Variants in DNAJC12 observed in about 807,000 individuals in gnomAD.
DNAJC12 encodes the protein DnaJ heat shock protein family (Hsp40) member C12.
Under a neutral mutation model 28.5 loss-of-function variants are expected in DNAJC12, and 25 were observed. The observed-to-expected ratio is 0.88, with a 90% CI of 0.64 to 1.22. DNAJC12 has a LOEUF of 1.22. Ranked by LOEUF, DNAJC12 falls within the 50% of genes most tolerant of loss-of-function variation. The pLI is 0.00. For missense variants in DNAJC12, 222 were observed against 231.7 expected, an observed-to-expected ratio of 0.96 and a Z score of 0.27; for synonymous variants, 77 against 80.6, an observed-to-expected ratio of 0.95 and a Z score of 0.24.
chr10:67,808,027 G>A (rs1841820487), intron 3 of DNAJC12, among the ~76,000 whole-genome samples: 2 of 152,186 alleles, frequency 1.3e-5, no homozygotes, highest in South Asian at 4.1e-4. Context: ...ACATCAGAGT[G>A]ATGCTAAGCA....
chr10:67,799,678 T>A (rs1841718532), intron 4 of DNAJC12, among the ~76,000 whole-genome samples: 1 of 151,980 alleles, frequency 6.6e-6, no homozygotes, highest in Non-Finnish European at 1.5e-5. Context: ...AGGTTGGGAA[T>A]TCGAGACCAG....
chr10:67,799,800 T>C (rs1425034785), intron 4 of DNAJC12, among the ~76,000 whole-genome samples: 1 of 150,586 alleles, frequency 6.6e-6, no homozygotes, highest in Non-Finnish European at 1.5e-5. Flanking sequence ...GGAGAATCAC[T>C]TGAACCCAGG....
chr10:67,797,000 C>T lies in DNAJC12; in HGVS notation c.*116G>A. ...TCAAGGATGGAGGAATCAATTAGTACTCAGCAATTCACAGACATGACATAA... is the reference window on the plus strand; with the variant it reads ...TCAAGGATGGAGGAATCAATTAGTATTCAGCAATTCACAGACATGACATAA... On this transcript the variant is annotated 3_prime_UTR_variant, in exon 5 of 5. Transcript: ENST00000225171. 1.4e-6 allele frequency: 1 copy of T among 710,660 alleles called. No individual in the cohort carries two copies. Among genetic ancestry groups the T allele is most frequent in the Non-Finnish European group, 2.3e-6 (1 of 435,858 alleles). 44.0% of individuals were successfully genotyped at this position (710,660 alleles called of 1,614,324 possible). A position where few individuals can be genotyped will look rare whatever the true frequency, so the allele number is the denominator to read the frequency against.
chr10:67,817,757 A>C (rs1841930503), intron 2 of DNAJC12, among the ~76,000 whole-genome samples: 1 of 151,778 alleles, frequency 6.6e-6, no homozygotes, highest in Admixed American at 6.6e-5. Flanking sequence ...ACACACTTAT[A>C]GCTCCGGCTA....
intron 1 of DNAJC12, among the ~76,000 whole-genome samples, chr10:67,836,415 T>TA (rs796093391): frequency 2.0e-5 from 3 of 151,756 alleles, no homozygotes; most frequent in African/African-American, 7.3e-5. Context: ...ATTATGGAGA[T>TA]ATAATGACCC....
At chr10:67,800,562 C>T (rs1841732470) in intron 4 of DNAJC12, among the ~76,000 whole-genome samples, 1 of 152,160 alleles carries the variant, frequency 6.6e-6, no homozygotes, top group Non-Finnish European at 1.5e-5. Context: ...GGCAGAGTCA[C>T]AATGTTTGTG....
At chr10:67,821,198 G>A (rs116066143) in intron 2 of DNAJC12, among the ~76,000 whole-genome samples, 2,333 of 152,128 alleles carry the variant, frequency 0.015, 66 homozygotes, top group African/African-American at 0.053. Context: ...CATGCTATAC[G>A]CATATAGTAA....
rs768219293 is a variant in DNAJC12, at chr10:67,823,370, A to G, written c.101T>C (p.Phe34Ser). Residue 34 changes from phenylalanine to serine, a missense_variant, in exon 2 of 5, where the codon TTT (phenylalanine) becomes TCT (serine). Coordinates refer to ENST00000225171, the MANE Select transcript of DNAJC12 (RefSeq NM_021800.3). ...GTGACATTCCAGAGCTCTGACTTTA[A>G]ATTCTGCCAGGATTTGTTCAACCTG... Reference protein sequence around the residue: ...LSSVEQILAEFKVRALECHPD... With the variant: ...LSSVEQILAESKVRALECHPD... 26 of 1,614,030 alleles carry G rather than the reference A, an allele frequency of 1.6e-5. No individual in the cohort carries two copies. Among genetic ancestry groups the G allele is most frequent in the Non-Finnish European group, 2.2e-5 (26 of 1,179,998 alleles).
At chr10:67,814,269 C>A (rs1357275270) in intron 2 of DNAJC12, among the ~76,000 whole-genome samples, 2 of 152,074 alleles carry the variant, frequency 1.3e-5, no homozygotes, top group Admixed American at 6.5e-5. Context: ...AAAAAATAGT[C>A]TTTTCAACAA....
chr10:67,831,570 T>C (rs1842093992), intron 1 of DNAJC12, among the ~76,000 whole-genome samples: 1 of 152,196 alleles, frequency 6.6e-6, no homozygotes, highest in African/African-American at 2.4e-5. Flanking sequence ...ATTATGGCCA[T>C]CTAGTAAGGC....
intron 1 of DNAJC12, among the ~76,000 whole-genome samples, chr10:67,834,262 CTG>C (rs950221358): frequency 3.3e-5 from 5 of 152,130 alleles, no homozygotes; most frequent in Non-Finnish European, 7.4e-5. Flanking sequence ...TATAGGAACT[CTG>C]TTGTACTATT....
chr10:67,820,545 A>G (rs777339313), intron 2 of DNAJC12, among the ~76,000 whole-genome samples: 28 of 152,172 alleles, frequency 1.8e-4, no homozygotes, highest in Non-Finnish European at 5.9e-5. Context: ...GGATATACAT[A>G]TGCACAAATT....
At chr10:67,826,759 C>A (rs12774376) in intron 1 of DNAJC12, among the ~76,000 whole-genome samples, 21 of 90,478 alleles carry the variant, frequency 2.3e-4, no homozygotes, top group East Asian at 6.0e-4. Context: ...CATTATATAT[C>A]TGATATCTAA....
At position 67,797,076 on chromosome 10, in the gene DNAJC12, G is replaced by A; in HGVS notation, c.*40C>T. On this transcript the variant is annotated 3_prime_UTR_variant, in exon 5 of 5. Transcript: ENST00000225171. ...AAGACTGCATGTTGGCAGCATAGGG[G>A]ACAGTCTTGCTCTTCCTCATTTTTT... 1 of 1,511,448 alleles carries A rather than the reference G, an allele frequency of 6.6e-7. No individual in the cohort carries two copies. Among genetic ancestry groups the A allele is most frequent in the East Asian group, 2.3e-5 (1 of 44,090 alleles). 93.6% of individuals were successfully genotyped at this position (1,511,448 alleles called of 1,614,324 possible).
rs1447685288 is a variant in DNAJC12 at position 67,823,313 on chromosome 10, C to G, written c.157+1G>C. The G allele has an allele frequency of 1.5e-5, 24 of 1,613,578 alleles. No individual in the cohort carries two copies. Among genetic ancestry groups the G allele is most frequent in the Non-Finnish European group, 1.9e-5 (22 of 1,179,706 alleles). On this transcript the variant is annotated splice_donor_variant, in intron 2 of 4. Coordinates refer to ENST00000225171, the MANE Select transcript of DNAJC12 (RefSeq NM_021800.3). LOFTEE classifies it high-confidence loss of function. ...AGAAGTAGCCTTTATTAAGTTCTTACCAGCTTTGGGGTTTTCAGGATGCTT... is the reference window on the plus strand; with the variant it reads ...AGAAGTAGCCTTTATTAAGTTCTTAGCAGCTTTGGGGTTTTCAGGATGCTT...
intron 1 of DNAJC12, among the ~76,000 whole-genome samples, chr10:67,830,233 C>T (rs1005399048): frequency 1.3e-5 from 2 of 152,078 alleles, no homozygotes; most frequent in African/African-American, 4.8e-5. Flanking sequence ...ATCGCTTGAG[C>T]CTGGGAGGCG....
chr10:67,800,459 C>T (rs1841731085), intron 4 of DNAJC12, among the ~76,000 whole-genome samples: 1 of 152,152 alleles, frequency 6.6e-6, no homozygotes, highest in Admixed American at 6.5e-5. Flanking sequence ...CCCACTTCCA[C>T]TCATTATTGT....
In DNAJC12 at chr10:67,796,958, G is replaced by T; in HGVS notation, c.*158C>A. On this transcript the variant is annotated 3_prime_UTR_variant, in exon 5 of 5. Coordinates refer to ENST00000225171, the MANE Select transcript of DNAJC12 (RefSeq NM_021800.3). The stretch of plus-strand genomic sequence containing the variant: ...CTTCTGAATTTTTCTTATTTAAAAA[G>T]CATTATGAGAACTGATTCAAGGATG... The T allele has an allele frequency of 2.0e-6, 1 of 503,056 alleles. No individual in the cohort carries two copies. Among genetic ancestry groups the T allele is most frequent in the Non-Finnish European group, 3.5e-6 (1 of 285,138 alleles). 31.2% of individuals were successfully genotyped at this position (503,056 alleles called of 1,614,324 possible). A position where few individuals can be genotyped will look rare whatever the true frequency, so the allele number is the denominator to read the frequency against.
intron 4 of DNAJC12, 55 bp from the exon 5 acceptor site, chr10:67,797,265 G>T: frequency 6.8e-7 from 1 of 1,464,934 alleles, no homozygotes; most frequent in Non-Finnish European, 9.5e-7. Context: ...AGTCGATCTT[G>T]TTATAGTAAA....
Sources: gnomAD v4.1 joint callset for allele counts (sites outside exome capture counted in the v4.1 genomes callset) on GRCh38, gnomAD v4.1.1 for gene constraint, MANE v1.5 for transcripts, NCBI Gene and HGNC (gene_info 2026-07-23, HGNC 2026-07-21) for gene names.